The following PAK3 variants were observed in gnomAD, a reference collection of about 807,000 sequenced individuals.
PAK3 encodes p21 (RAC1) activated kinase 3.
PAK3 carries 4 observed loss-of-function variants against 41.0 expected under a neutral mutation model. The ratio of observed to expected loss-of-function variants is 0.10; its 90% confidence interval spans 0.05 to 0.22. The LOEUF is 0.22. Ranked by LOEUF, PAK3 falls within the 10% of genes least tolerant of loss-of-function variation. The pLI is 1.00. For synonymous variants in PAK3, 146 were observed against 139.6 expected, an observed-to-expected ratio of 1.05 and a Z score of -0.32; for missense variants, 205 against 409.9, an observed-to-expected ratio of 0.50 and a Z score of 4.32.
intron 1 of PAK3, among the ~76,000 whole-genome samples, chrX:110,966,196 G>A (rs186917872): frequency 4.5e-5 from 5 of 111,825 alleles, no homozygotes; most frequent in African/African-American, 1.6e-4. Flanking sequence ...AAGAGTAATA[G>A]TCTTTCTTGG....
At chrX:110,956,656 C>G (rs1488586526) in intron 1 of PAK3, among the ~76,000 whole-genome samples, 1 of 111,488 alleles carries the variant, frequency 9.0e-6, no homozygotes, top group East Asian at 2.8e-4. Flanking sequence ...GCAGACCCTG[C>G]TTTACGACTC....
intron 6 of PAK3, among the ~76,000 whole-genome samples, chrX:111,145,660 G>T (rs762099246): frequency 3.9e-4 from 43 of 111,507 alleles, no homozygotes; most frequent in Middle Eastern, 4.6e-3. Context: ...ACTGTGCTTG[G>T]AGTAACCCTA....
intron 1 of PAK3, among the ~76,000 whole-genome samples, chrX:111,010,491 G>C (rs752888098): frequency 9.0e-6 from 1 of 111,653 alleles, no homozygotes; most frequent in Non-Finnish European, 1.9e-5. Flanking sequence ...GTTGGAGGTG[G>C]GGTCTTATGG....
chrX:111,128,045 C>G (rs977843576), intron 5 of PAK3, among the ~76,000 whole-genome samples: 1 of 112,378 alleles, frequency 8.9e-6, no homozygotes, highest in Non-Finnish European at 1.9e-5. Flanking sequence ...CAAGAATAAT[C>G]AATGTTAAGG....
chrX:111,019,036 A>G (rs1478725167), intron 1 of PAK3, among the ~76,000 whole-genome samples: 1 of 111,377 alleles, frequency 9.0e-6, no homozygotes, highest in Admixed American at 9.5e-5. Flanking sequence ...AAAACTGGAT[A>G]TCCACATGCA....
upstream of PAK3, among the ~76,000 whole-genome samples, chrX:111,092,525 G>A (rs1339740111): frequency 5.4e-5 from 6 of 111,908 alleles, no homozygotes. Context: ...TTAAGCTGAT[G>A]CATAGTAGTC....
intron 1 of PAK3, among the ~76,000 whole-genome samples, chrX:111,009,700 C>T (rs2091985037): frequency 8.9e-6 from 1 of 112,366 alleles, no homozygotes; most frequent in Non-Finnish European, 1.9e-5. Flanking sequence ...TTGTACCTAT[C>T]GGCAAGAGCC....
rs1472675895 is a variant in PAK3, at chrX:111,163,571, C to T, written c.610C>T (p.Arg204Cys). The stretch of plus-strand genomic sequence containing the variant: ...TTTTTGGTTTTTTTAGATCTATACT[C>T]GTTCTGTGGTTGAATCCATTGCTTC... ...RPEHTKSIYT[R>C]SVVESIASPA... Residue 204 changes from arginine to cysteine, a missense_variant, in exon 10 of 18, where the codon CGT (arginine) becomes TGT (cysteine). This residue lies in a region of PAK3 where 75 missense variants were observed against 91.9 expected (regional missense o/e 0.82). Coordinates refer to ENST00000372007, the MANE Select transcript of PAK3 (RefSeq NM_002578.5). The T allele has an allele frequency of 8.3e-7, 1 of 1,204,665 alleles. No homozygotes were observed. Among genetic ancestry groups the T allele is most frequent in the South Asian group, 1.8e-5 (1 of 56,789 alleles).
chrX:110,984,778 G>A (rs1035174841), intron 1 of PAK3, among the ~76,000 whole-genome samples: 15 of 109,464 alleles, frequency 1.4e-4, no homozygotes, highest in African/African-American at 5.0e-4. Flanking sequence ...ACGCCCCCCC[G>A]CCCCCGCCAA....
At chrX:111,145,051 A>AC in intron 6 of PAK3, 1 of 384,828 alleles carries the variant, frequency 2.6e-6, no homozygotes, top group Non-Finnish European at 4.7e-6. Context: ...TATCCTATAC[A>AC]CAGTCAGACA....
At chrX:111,059,872 G>A (rs772609254) in intron 1 of PAK3, among the ~76,000 whole-genome samples, 20 of 111,446 alleles carry the variant, frequency 1.8e-4, no homozygotes, top group Admixed American at 8.6e-4. Context: ...TATGTTATTC[G>A]TCAATAGAAA....
Position 111,211,280 on chromosome X carries a change from T to C in PAK3, c.1408-5141T>C, listed in dbSNP as rs979603329. Among the ~76,000 whole-genome samples the C allele has an allele frequency of 4.5e-5, 5 of 111,229 alleles. No individual in the cohort carries two copies. In the East Asian group the frequency reaches 1.4e-3, roughly 32 times the overall value. The stretch of plus-strand genomic sequence containing the variant: ...ACAGGACTGCCTAAGGAATCTTTAC[T>C]ATGTCCTGTGAATCAGTAGTTTTCA... On this transcript the variant is annotated intron_variant, in intron 16 of 17. Transcript: ENST00000372007.
At chrX:111,127,411 T>C (rs1013416019) in intron 5 of PAK3, among the ~76,000 whole-genome samples, 2 of 110,240 alleles carry the variant, frequency 1.8e-5, no homozygotes, top group African/African-American at 6.6e-5. Context: ...TACATTTCAT[T>C]GACTAAGTGG....
chrX:110,955,830 T>C (rs901453332), intron 1 of PAK3, among the ~76,000 whole-genome samples: 1 of 112,188 alleles, frequency 8.9e-6, no homozygotes, highest in African/African-American at 3.2e-5. Flanking sequence ...CAGACTACTT[T>C]GAAAGAAAAG....
intron 14 of PAK3, 55 bp downstream of exon 14, chrX:111,194,473 A>T (rs1603376381): frequency 1.6e-6 from 1 of 643,477 alleles, no homozygotes; most frequent in East Asian, 3.2e-5. Flanking sequence ...GCAGTTCTTC[A>T]TTTCTGATTA....
chrX:111,031,105 A>G (rs2092335099), intron 1 of PAK3, among the ~76,000 whole-genome samples: 1 of 112,468 alleles, frequency 8.9e-6, no homozygotes, highest in African/African-American at 3.2e-5. Flanking sequence ...TATATATGCA[A>G]AACATATAAA....
At chrX:110,995,976 T>A (rs2091732668) in intron 1 of PAK3, among the ~76,000 whole-genome samples, 1 of 112,153 alleles carries the variant, frequency 8.9e-6, no homozygotes, top group Non-Finnish European at 1.9e-5. Context: ...GCCTTCCCTG[T>A]GCACCCTGTC....
intron 16 of PAK3, among the ~76,000 whole-genome samples, chrX:111,211,433 T>C (rs770183620): frequency 9.0e-6 from 1 of 110,574 alleles, no homozygotes; most frequent in African/African-American, 3.3e-5. Context: ...TGACCTGCAC[T>C]TTGGGTTGCT....
At chrX:110,973,342 C>A (rs1190001121) in intron 1 of PAK3, among the ~76,000 whole-genome samples, 1 of 112,169 alleles carries the variant, frequency 8.9e-6, no homozygotes, top group African/African-American at 3.2e-5. Context: ...CAAAGGGAAA[C>A]CCATCAGACT....
Sources: allele counts gnomAD v4.1 joint callset (sites outside exome capture counted in the v4.1 genomes callset), GRCh38; gene constraint gnomAD v4.1.1; regional missense constraint gnomAD v4.1.1; transcripts MANE v1.5; gene names NCBI Gene and HGNC (gene_info 2026-07-23, HGNC 2026-07-21).